The following ERBB3 variants were observed in gnomAD, a reference collection of about 807,000 sequenced individuals.
The protein encoded by ERBB3 is erb-b2 receptor tyrosine kinase 3, also known as receptor tyrosine-protein kinase erbB-3.
In ERBB3, 96 loss-of-function variants were observed where a neutral mutation model predicts 156.7. The ratio of observed to expected loss-of-function variants is 0.61; its 90% CI spans 0.52 to 0.73. The LOEUF (loss-of-function observed/expected upper bound fraction) is 0.73. ERBB3 is among the 30% of genes least tolerant of loss of function. ERBB3 has a pLI of 0.00. For synonymous variants in ERBB3, 567 were observed against 632.0 expected (o/e 0.90, Z 1.54); for missense variants, 1,406 against 1,709.4 (o/e 0.82, Z 3.13).
At chr12:56,086,471 A>T (rs1868490266) in intron 3 of ERBB3, 60 bp from the exon 4 acceptor site, 4 of 1,609,654 alleles carry the variant, frequency 2.5e-6, no homozygotes, top group South Asian at 1.1e-5. Flanking sequence ...ATGGGTGGAG[A>T]GGTAAGGAAG....
At chr12:56,084,598 C>A (rs868050649) in intron 2 of ERBB3, among the ~76,000 whole-genome samples, 160 of 125,520 alleles carry the variant, frequency 1.3e-3, no homozygotes, top group South Asian at 1.5e-3. Context: ...CCTGTCTCAC[C>A]AAAAAAAAAA....
chr12:56,084,934 A>G, intron 2 of ERBB3, 61 bp from the exon 3 acceptor site: 1 of 1,611,658 alleles, frequency 6.2e-7, no homozygotes, highest in Non-Finnish European at 8.5e-7. Flanking sequence ...GAAGGAGGAG[A>G]GGAGATTGAG....
At chr12:56,084,035 G>A (rs1234537219) in intron 2 of ERBB3, 133 bp downstream of exon 2, 8 of 898,202 alleles carry the variant, frequency 8.9e-6, no homozygotes, top group Middle Eastern at 3.1e-4. Flanking sequence ...ATTCAAAACC[G>A]TGTATTTATG....
rs1869169706 is a variant in ERBB3, at chr12:56,102,838, T to G, written c.*783T>G. On this transcript the variant is annotated 3_prime_UTR_variant, in exon 28 of 28. Coordinates refer to ENST00000267101, the MANE Select transcript of ERBB3 (RefSeq NM_001982.4). ...AAAAAAAAAAAAAAAAAAAAAACTTTAGAACTGGGTGCAGTGGCTCATGCC... is the reference window on the plus strand; with the variant it reads ...AAAAAAAAAAAAAAAAAAAAAACTTGAGAACTGGGTGCAGTGGCTCATGCC... The G allele has an allele frequency of 7.3e-6, 1 of 137,076 alleles. No individual in the cohort carries two copies. Among genetic ancestry groups the G allele is most frequent in the South Asian group, 3.6e-4 (1 of 2,800 alleles). The allele number at this position is 137,076 out of a possible 1,614,324, so 8.5% of individuals were successfully genotyped here. A position where few individuals can be genotyped will look rare whatever the true frequency, so the allele number is the denominator to read the frequency against.
intron 25 of ERBB3, 62 bp downstream of exon 25, chr12:56,100,091 C>T (rs1869038632): frequency 6.3e-7 from 1 of 1,590,002 alleles, no homozygotes; most frequent in Non-Finnish European, 8.6e-7. Flanking sequence ...CCTACAGATA[C>T]CCAGATTAAC....
At chr12:56,080,528 G>A (rs1290550954) in intron 1 of ERBB3, 146 bp downstream of exon 1, 1 of 670,628 alleles carries the variant, frequency 1.5e-6, no homozygotes, top group Admixed American at 2.5e-5. Flanking sequence ...GGAGAGGGGC[G>A]GTCAGGCTCG....
chr12:56,083,306 G>C (rs1868378464), intron 1 of ERBB3: 1 of 313,956 alleles, frequency 3.2e-6, no homozygotes, highest in African/African-American at 2.2e-5. Context: ...CTGTGTACTA[G>C]TCCCAAAGAG....
At chr12:56,080,602 C>T (rs960519013) in intron 1 of ERBB3, among the ~76,000 whole-genome samples, 1 of 152,226 alleles carries the variant, frequency 6.6e-6, no homozygotes, top group Non-Finnish European at 1.5e-5. Context: ...TTCTCCAGAG[C>T]GTCGCCGACC....
upstream of ERBB3, chr12:56,080,142 G>A (rs1032816053): frequency 1.0e-5 from 7 of 672,950 alleles, no homozygotes; most frequent in African/African-American, 1.2e-4. Flanking sequence ...ATCCCTCCCC[G>A]GACTCCGGCT....
chr12:56,095,638 A>C (rs773745272), intron 16 of ERBB3, 27 bp from the exon 17 acceptor site: 8 of 1,612,652 alleles, frequency 5.0e-6, no homozygotes, highest in Non-Finnish European at 5.9e-6. Flanking sequence ...AACCCAGGAT[A>C]ATGTTGGGTT....
chr12:56,084,183 C>G (rs1868400198), intron 2 of ERBB3, among the ~76,000 whole-genome samples: 1 of 152,044 alleles, frequency 6.6e-6, no homozygotes, highest in Non-Finnish European at 1.5e-5. Flanking sequence ...ACCTGAGGAC[C>G]AAGAGGTTAC....
chr12:56,097,712 A>G, intron 20 of ERBB3, 73 bp from the exon 21 acceptor site: 2 of 1,509,274 alleles, frequency 1.3e-6, no homozygotes, highest in Non-Finnish European at 9.2e-7. Flanking sequence ...TACCTTCAAG[A>G]TTTGGGGGAA....
At chr12:56,095,196 C>G in intron 15 of ERBB3, 61 bp from the exon 16 acceptor site, 1 of 1,230,472 alleles carries the variant, frequency 8.1e-7, no homozygotes, top group East Asian at 2.3e-5. Context: ...ATATGTTAGG[C>G]TGTTGAAATT....
intron 9 of ERBB3, chr12:56,089,095 A>G (rs1868583512): frequency 3.1e-6 from 2 of 637,702 alleles, no homozygotes; most frequent in Non-Finnish European, 5.8e-6. Flanking sequence ...GGAACAAGGG[A>G]CAGGAACAAC....
Position 56,082,635 on chromosome 12 carries a change from C to G in ERBB3, c.83-1116C>G, listed in dbSNP as rs572394708. Among the ~76,000 whole-genome samples the G allele has an allele frequency of 1.2e-4, 19 of 152,226 alleles. No individual in the cohort carries two copies. The East Asian group carries it at 3.7e-3, about 29-fold the overall frequency. ...TGGCTGGAACAGGTGGTATCTACCC[C>G]CTACTCCCCACCCCACACATGGTCT... is the stretch of plus-strand genomic sequence containing the variant. On this transcript the variant is annotated intron_variant, in intron 1 of 27. Coordinates refer to ENST00000267101, the MANE Select transcript of ERBB3 (RefSeq NM_001982.4).
chr12:56,098,801 A>G lies in ERBB3; in HGVS notation c.2735A>G (p.Tyr912Cys), dbSNP rs1868983686. The change falls in exon 23 of 28, where the codon TAT becomes TGT. Residue 912 changes from tyrosine to cysteine, a missense_variant. This residue lies in a region of ERBB3 where 979 missense variants were observed against 1,219.6 expected (regional missense o/e 0.80). Transcript: ENST00000267101. ...TTGATGACCTTCGGGGCAGAGCCCT[A>G]TGCAGGGCTACGATTGGCTGAAGTA... ...WELMTFGAEP[Y>C]AGLRLAEVPD... The G allele has an allele frequency of 6.2e-7, 1 of 1,613,882 alleles. No homozygotes were observed. Among genetic ancestry groups the G allele is most frequent in the Non-Finnish European group, 8.5e-7 (1 of 1,179,748 alleles).
At chr12:56,094,011 T>C (rs773372734) in intron 13 of ERBB3, 88 bp from the exon 14 acceptor site, 35 of 1,560,338 alleles carry the variant, frequency 2.2e-5, no homozygotes, top group South Asian at 1.1e-4. Context: ...CTTGGTGGGA[T>C]TGAGGTAGGA....
rs1343918768 is a variant in ERBB3, at chr12:56,103,442, A to C, written c.*1387A>C. 4.8e-6 allele frequency: 1 copy of C among 208,836 alleles called. No individual in the cohort carries two copies. Among genetic ancestry groups the C allele is most frequent in the Non-Finnish European group, 9.7e-6 (1 of 102,624 alleles). The allele number at this position is 208,836 out of a possible 1,614,324, so 12.9% of individuals were successfully genotyped here. A position where few individuals can be genotyped will look rare whatever the true frequency, so the allele number is the denominator to read the frequency against. On this transcript the variant is annotated 3_prime_UTR_variant, in exon 28 of 28. Coordinates refer to ENST00000267101, the MANE Select transcript of ERBB3 (RefSeq NM_001982.4). Reference sequence around the variant, plus strand: ...GGAACTAAGGGAAAACGTCTGTTGTATCACTGAAGTTTTTTGTTTTGTTTT... The same window carrying C: ...GGAACTAAGGGAAAACGTCTGTTGTCTCACTGAAGTTTTTTGTTTTGTTTT...
At position 56,093,005 on chromosome 12, in the gene ERBB3, C is replaced by G; in HGVS notation, c.1203C>G (p.Ser401=). The change falls in exon 11 of 28, where the codon TCC becomes TCG. Residue 401 remains serine (S), a synonymous_variant. Transcript: ENST00000267101. ...REITGYLNIQ[S]WPPHMHNFSV... ...CCTCAGGTTACCTGAACATCCAGTC[C>G]TGGCCGCCCCACATGCACAACTTCA... The G allele has an allele frequency of 6.2e-7, 1 of 1,614,188 alleles. No individual in the cohort carries two copies. Among genetic ancestry groups the G allele is most frequent in the Non-Finnish European group, 8.5e-7 (1 of 1,179,998 alleles).
Sources: allele counts gnomAD v4.1 joint callset (sites outside exome capture counted in the v4.1 genomes callset), GRCh38; gene constraint gnomAD v4.1.1; regional missense constraint gnomAD v4.1.1; transcripts MANE v1.5; gene names NCBI Gene and HGNC (gene_info 2026-07-23, HGNC 2026-07-21).